Variants in SYT1 observed in about 807,000 individuals in gnomAD.
The protein encoded by SYT1 is synaptotagmin-1.
Under a neutral mutation model 44.8 loss-of-function variants are expected in SYT1, and 8 were observed. The ratio of observed to expected loss-of-function variants is 0.18; its 90% confidence interval spans 0.10 to 0.32. The LOEUF (loss-of-function observed/expected upper bound fraction) is 0.32, where lower values mean the gene tolerates loss of function less well. SYT1 is among the 10% of genes least tolerant of loss of function. SYT1 has a pLI of 1.00. For missense variants in SYT1, 286 were observed against 509.3 expected (o/e 0.56, Z 4.22); for synonymous variants, 154 against 188.8 (o/e 0.82, Z 1.51).
At chr12:79,004,386 G>A (rs1372585938) in intron 2 of SYT1, among the ~76,000 whole-genome samples, 3 of 124,126 alleles carry the variant, frequency 2.4e-5, no homozygotes, top group African/African-American at 9.0e-5. Flanking sequence ...AAGCACTGAG[G>A]ACAGTCTTGG....
chr12:79,375,819 G>T (rs146994817), intron 9 of SYT1, among the ~76,000 whole-genome samples: 1 of 152,036 alleles, frequency 6.6e-6, no homozygotes, highest in Admixed American at 6.5e-5. Flanking sequence ...TACCTAGCAG[G>T]GCGCCTGACT....
At chr12:79,285,216 T>A (rs956572626) in intron 4 of SYT1, among the ~76,000 whole-genome samples, 1 of 152,238 alleles carries the variant, frequency 6.6e-6, no homozygotes, top group East Asian at 1.9e-4. Context: ...TATATACAAC[T>A]AATATCTGCC....
At chr12:79,222,118 A>G (rs1208985994) in intron 4 of SYT1, among the ~76,000 whole-genome samples, 4 of 151,020 alleles carry the variant, frequency 2.6e-5, no homozygotes, top group Non-Finnish European at 4.4e-5. Flanking sequence ...ATAATATTCC[A>G]CTCTCTCCTG....
intron 10 of SYT1, among the ~76,000 whole-genome samples, chr12:79,446,590 A>G (rs1349713894): frequency 6.6e-6 from 1 of 152,174 alleles, no homozygotes; most frequent in Admixed American, 6.6e-5. Context: ...AAAATAACCA[A>G]TAACTCTACC....
intron 4 of SYT1, among the ~76,000 whole-genome samples, chr12:79,234,827 C>T (rs982367809): frequency 6.6e-6 from 1 of 151,522 alleles, no homozygotes; most frequent in Admixed American, 6.6e-5. Flanking sequence ...TCTCCTGTCT[C>T]AGCCTCCTGA....
intron 3 of SYT1, among the ~76,000 whole-genome samples, chr12:79,161,169 G>T (rs1034110261): frequency 6.6e-6 from 1 of 152,186 alleles, no homozygotes; most frequent in Non-Finnish European, 1.5e-5. Context: ...GAGCCCAGGA[G>T]GCAAAGGTTG....
intron 2 of SYT1, among the ~76,000 whole-genome samples, chr12:78,984,297 T>C (rs1305231388): frequency 1.3e-5 from 2 of 152,000 alleles, no homozygotes; most frequent in Non-Finnish European, 2.9e-5. Flanking sequence ...AACACAGTGG[T>C]ATATTTACCA....
chr12:79,170,531 T>C (rs998724459), intron 3 of SYT1, among the ~76,000 whole-genome samples: 1 of 152,106 alleles, frequency 6.6e-6, no homozygotes, highest in African/African-American at 2.4e-5. Context: ...CTTTGCCCAC[T>C]TTTTTATGGG....
intron 3 of SYT1, among the ~76,000 whole-genome samples, chr12:79,205,550 A>T (rs1874072501): frequency 6.6e-6 from 1 of 152,208 alleles, no homozygotes; most frequent in Non-Finnish European, 1.5e-5. Context: ...GTTTTTAGTT[A>T]CAATTCTGAT....
At chr12:78,865,222 C>T (rs1873471496) in intron 1 of SYT1, 113 bp downstream of exon 1, 1 of 152,244 alleles carries the variant, frequency 6.6e-6, no homozygotes, top group African/African-American at 2.4e-5. Flanking sequence ...AGTCTGAGAC[C>T]TAGGGAGGGA....
chr12:78,911,156 TTTG>T (rs1876300239), intron 1 of SYT1, among the ~76,000 whole-genome samples: 1 of 152,026 alleles, frequency 6.6e-6, no homozygotes, highest in South Asian at 2.1e-4. Context: ...GACAGATTAG[TTTG>T]TTGTCAAGAT....
At chr12:79,420,986 A>G (rs899393358) in intron 9 of SYT1, among the ~76,000 whole-genome samples, 5 of 152,102 alleles carry the variant, frequency 3.3e-5, no homozygotes, top group South Asian at 2.1e-4. Flanking sequence ...TGGGAATGCA[A>G]CCTTCACAAA....
intron 1 of SYT1, among the ~76,000 whole-genome samples, chr12:78,884,457 A>G (rs1428790849): frequency 1.6e-5 from 2 of 125,192 alleles, no homozygotes; most frequent in Admixed American, 8.3e-5. Context: ...AACAATGAAC[A>G]TAAGGTGTAC....
chr12:79,046,108 G>A (rs866046967), intron 2 of SYT1, among the ~76,000 whole-genome samples: 56 of 152,118 alleles, frequency 3.7e-4, no homozygotes, highest in African/African-American at 4.8e-4. Context: ...TTTTAACATT[G>A]CTCTTCCAAA....
chr12:79,187,559 A>G (rs886463807), intron 3 of SYT1, among the ~76,000 whole-genome samples: 3 of 152,106 alleles, frequency 2.0e-5, no homozygotes, highest in Non-Finnish European at 4.4e-5. Flanking sequence ...ACCTTCCCCA[A>G]TTTGGGTGAG....
intron 4 of SYT1, among the ~76,000 whole-genome samples, chr12:79,260,741 C>T (rs1177787598): frequency 6.6e-6 from 1 of 152,074 alleles, no homozygotes; most frequent in Non-Finnish European, 1.5e-5. Flanking sequence ...CTTCCATTTA[C>T]ATCTAAGCGT....
At chr12:79,306,875 G>T (rs1018425276) in intron 8 of SYT1, among the ~76,000 whole-genome samples, 1 of 152,114 alleles carries the variant, frequency 6.6e-6, no homozygotes, top group South Asian at 2.1e-4. Flanking sequence ...GACAAGAGCA[G>T]CCTTGTTTAC....
At chr12:79,337,078 C>A (rs1044497451) in intron 8 of SYT1, among the ~76,000 whole-genome samples, 2 of 150,858 alleles carry the variant, frequency 1.3e-5, no homozygotes. Context: ...TCCCCTCCCC[C>A]CAGTGTTGGG....
At chr12:79,045,962 T>C (rs2137759718) in intron 2 of SYT1, 1 of 152,338 alleles carries the variant, frequency 6.6e-6, no homozygotes, top group Admixed American at 6.5e-5. Flanking sequence ...TTAATGTGTA[T>C]GTCCACAGAA....
Sources: allele counts gnomAD v4.1 joint callset (sites outside exome capture counted in the v4.1 genomes callset), GRCh38; gene constraint gnomAD v4.1.1; transcripts MANE v1.5; gene names NCBI Gene and HGNC (gene_info 2026-07-23, HGNC 2026-07-21).